Variants in FRMPD4 observed in about 807,000 individuals in gnomAD.
FRMPD4 encodes the protein FERM and PDZ domain containing 4.
In FRMPD4, 22 loss-of-function variants were observed where a neutral mutation model predicts 94.1. That is an observed-to-expected ratio of 0.23 (90% CI 0.17 to 0.33). The LOEUF (loss-of-function observed/expected upper bound fraction) is 0.33. Among genes scored for constraint, FRMPD4 ranks in the 10% least tolerant of loss-of-function variants. The pLI is 1.00. For synonymous variants in FRMPD4, 631 were observed against 548.6 expected (o/e 1.15, Z -2.10); for missense variants, 1,111 against 1,339.9 (o/e 0.83, Z 2.67).
intron 2 of FRMPD4, among the ~76,000 whole-genome samples, chrX:12,564,306 C>G: frequency 8.9e-6 from 1 of 112,542 alleles, no homozygotes; most frequent in Non-Finnish European, 1.9e-5. Flanking sequence ...ACTTTCCAGA[C>G]TGGAATAGGT....
intron 1 of FRMPD4, among the ~76,000 whole-genome samples, chrX:12,227,503 T>A (rs1601715856): frequency 1.8e-5 from 2 of 111,693 alleles, no homozygotes; most frequent in African/African-American, 3.3e-5. Context: ...CAGGTTAGAT[T>A]GAGAATGGCT....
intron 3 of FRMPD4, among the ~76,000 whole-genome samples, chrX:12,050,957 A>G (rs2054813883): frequency 8.9e-6 from 1 of 111,864 alleles, no homozygotes; most frequent in Non-Finnish European, 1.9e-5. Flanking sequence ...ATTGTGATAC[A>G]TTACTACAAT....
chrX:12,475,175 C>T (rs1032197068), intron 1 of FRMPD4, among the ~76,000 whole-genome samples: 12 of 111,982 alleles, frequency 1.1e-4, no homozygotes, highest in South Asian at 3.8e-4. Context: ...AATCAACAAA[C>T]GTAGTCCAGC....
chrX:12,097,065 CCACT>C (rs1285683751), intron 3 of FRMPD4, among the ~76,000 whole-genome samples: 1 of 111,961 alleles, frequency 8.9e-6, no homozygotes, highest in African/African-American at 3.2e-5. Flanking sequence ...AAAGTAGCTA[CCACT>C]CACTCTACTG....
chrX:12,212,608 C>T, intron 1 of FRMPD4, among the ~76,000 whole-genome samples: 1 of 111,694 alleles, frequency 9.0e-6, no homozygotes, highest in Non-Finnish European at 1.9e-5. Flanking sequence ...TGTTCAAATT[C>T]CTGTAACCTG....
At chrX:12,461,217 G>A (rs759020987) in intron 1 of FRMPD4, among the ~76,000 whole-genome samples, 23 of 111,989 alleles carry the variant, frequency 2.1e-4, no homozygotes, top group South Asian at 7.4e-4. Flanking sequence ...CAGATCCTTC[G>A]CTTCCTCACT....
intron 1 of FRMPD4, among the ~76,000 whole-genome samples, chrX:12,294,033 G>A (rs2054731294): frequency 9.0e-6 from 1 of 111,704 alleles, no homozygotes; most frequent in Non-Finnish European, 1.9e-5. Context: ...ATAAGCTTGT[G>A]CTCTACATCA....
chrX:12,121,241 T>C (rs1319823313), intron 3 of FRMPD4, among the ~76,000 whole-genome samples: 1 of 110,388 alleles, frequency 9.1e-6, no homozygotes, highest in East Asian at 2.8e-4. Flanking sequence ...CAGAAGCAGA[T>C]ATAAGAATCC....
chrX:12,262,525 T>C (rs1464483398), intron 1 of FRMPD4, among the ~76,000 whole-genome samples: 1 of 112,083 alleles, frequency 8.9e-6, no homozygotes, highest in African/African-American at 3.2e-5. Context: ...CATCTGTAAA[T>C]AGGAATGAAG....
intron 3 of FRMPD4, among the ~76,000 whole-genome samples, chrX:11,986,517 C>T (rs1455273392): frequency 5.4e-5 from 6 of 110,880 alleles, no homozygotes; most frequent in African/African-American, 1.6e-4. Context: ...TCTTAAGGAA[C>T]TAGAAAAGCA....
intron 2 of FRMPD4, among the ~76,000 whole-genome samples, chrX:12,549,697 C>A (rs1189379841): frequency 8.9e-6 from 1 of 111,801 alleles, no homozygotes; most frequent in Non-Finnish European, 1.9e-5. Context: ...TATCCAGGCA[C>A]CAATAGACCA....
At chrX:12,543,426 G>A (rs765800139) in intron 2 of FRMPD4, among the ~76,000 whole-genome samples, 41 of 111,912 alleles carry the variant, frequency 3.7e-4, no homozygotes, top group Non-Finnish European at 5.8e-4. Context: ...AAAAGTGGGC[G>A]AAGGATATGA....
intron 1 of FRMPD4, chrX:12,341,692 T>A (rs941855227): frequency 1.3e-5 from 4 of 312,759 alleles, no homozygotes; most frequent in Non-Finnish European, 2.5e-5. Context: ...GCTCTTAATA[T>A]TCTATTACAT....
At chrX:11,847,052 G>A (rs2053581553) in intron 1 of FRMPD4, among the ~76,000 whole-genome samples, 1 of 105,938 alleles carries the variant, frequency 9.4e-6, no homozygotes. Context: ...AAACTAAAGA[G>A]CTTCTGCACA....
chrX:11,932,026 C>T (rs2054124773), intron 3 of FRMPD4, among the ~76,000 whole-genome samples: 1 of 111,903 alleles, frequency 8.9e-6, no homozygotes, highest in Non-Finnish European at 1.9e-5. Context: ...TGATTAAAAG[C>T]TTAATGTCGG....
In FRMPD4 at chrX:11,849,112, C is replaced by T. The variant is rs1340099740; in HGVS notation, c.-160-15974C>T. On this transcript the variant is annotated intron_variant, in intron 1 of 18. Coordinates refer to the FRMPD4 transcript ENST00000640291. Reference sequence around the variant, plus strand: ...CTAATACATGGAGTCAGCGAAGTTGCAGAGTACAAAATCAACATGCAAAAA... The same window carrying T: ...CTAATACATGGAGTCAGCGAAGTTGTAGAGTACAAAATCAACATGCAAAAA... Among the ~76,000 whole-genome samples, 4 of 111,454 alleles carry T rather than the reference C, an allele frequency of 3.6e-5. No homozygotes were observed. In the Admixed American group the frequency reaches 3.8e-4, roughly 11 times the overall value.
At chrX:11,837,178 G>A (rs2053505781) in intron 1 of FRMPD4, among the ~76,000 whole-genome samples, 2 of 108,958 alleles carry the variant, frequency 1.8e-5, no homozygotes, top group African/African-American at 6.7e-5. Flanking sequence ...TGGCCATGTG[G>A]GACTGAATTT....
At chrX:12,222,847 A>AT (rs1278567156) in intron 1 of FRMPD4, among the ~76,000 whole-genome samples, 1 of 112,228 alleles carries the variant, frequency 8.9e-6, no homozygotes, top group African/African-American at 3.2e-5. Flanking sequence ...GCTTAGTAGT[A>AT]TTCTGTTGTA....
chrX:12,397,198 A>G (rs915116521), intron 1 of FRMPD4, among the ~76,000 whole-genome samples: 1 of 111,085 alleles, frequency 9.0e-6, no homozygotes, highest in African/African-American at 3.3e-5. Context: ...AGACTTGCAT[A>G]ACAGGCCTCT....
Sources: gnomAD v4.1 joint callset for allele counts (sites outside exome capture counted in the v4.1 genomes callset) on GRCh38, gnomAD v4.1.1 for gene constraint, MANE v1.5 for transcripts, NCBI Gene and HGNC (gene_info 2026-07-23, HGNC 2026-07-21) for gene names.